Variants in MGME1 observed in about 807,000 individuals in gnomAD.
MGME1 encodes the protein chromosome 20 open reading frame 72.
A neutral mutation model predicts 33.0 loss-of-function variants in MGME1; 22 were observed. The ratio of observed to expected loss-of-function variants is 0.67; its 90% CI spans 0.48 to 0.95. The LOEUF is 0.95. Among genes scored for constraint, MGME1 ranks in the 40% least tolerant of loss-of-function variants. MGME1 has a pLI of 0.00. For synonymous variants in MGME1, 133 were observed against 144.0 expected (o/e 0.92, Z 0.55); for missense variants, 383 against 397.8 (o/e 0.96, Z 0.32).
rs772022766 is a variant in MGME1 at position 17,988,252 on chromosome 20, T to C, written c.818T>C (p.Val273Ala). The C allele has an allele frequency of 6.2e-7, 1 of 1,614,124 alleles. No homozygotes were observed. Among genetic ancestry groups the C allele is most frequent in the Non-Finnish European group, 8.5e-7 (1 of 1,179,992 alleles). Residue 273 changes from valine (V) to alanine (A), a missense_variant, in exon 4 of 5, where the codon GTG (valine) becomes GCG (alanine). Val to Ala is a moderately conservative substitution (Grantham distance 64). Coordinates refer to ENST00000377710, the MANE Select transcript of MGME1 (RefSeq NM_052865.4). ...QSTFDNPLQVVAYMGAMNHDT... is the reference protein window; with the variant it reads ...QSTFDNPLQVAAYMGAMNHDT... ...ACATTTGACAACCCACTGCAAGTTG[T>C]GGCATACATGGGTGCCATGAACCAT...
intron 2 of MGME1, among the ~76,000 whole-genome samples, chr20:17,973,237 C>T (rs1328837871): frequency 6.6e-6 from 1 of 151,950 alleles, no homozygotes; most frequent in African/African-American, 2.4e-5. Flanking sequence ...CCAGCTACTA[C>T]GGAGGCTGAG....
intron 2 of MGME1, among the ~76,000 whole-genome samples, chr20:17,973,635 T>G (rs2035783999): frequency 1.3e-5 from 1 of 78,084 alleles, no homozygotes; most frequent in Non-Finnish European, 2.3e-5. Flanking sequence ...AGTAAGACCC[T>G]GTCTCAAAAA....
At chr20:17,985,766 T>A (rs2036139992) in intron 3 of MGME1, among the ~76,000 whole-genome samples, 1 of 152,262 alleles carries the variant, frequency 6.6e-6, no homozygotes, top group African/African-American at 2.4e-5. Flanking sequence ...CAGTATTCAG[T>A]ACAGTAACAT....
intron 3 of MGME1, among the ~76,000 whole-genome samples, chr20:17,976,652 G>A (rs1167547846): frequency 6.6e-6 from 1 of 151,994 alleles, no homozygotes; most frequent in East Asian, 1.9e-4. Context: ...TGGTTGTTTT[G>A]TTTTGTTTTG....
chr20:17,968,774 G>C (rs1371359219), upstream of MGME1: 6 of 327,174 alleles, frequency 1.8e-5, no homozygotes, highest in Admixed American at 5.1e-5. Context: ...CACTCTCCCA[G>C]CAAGACGCGT....
intron 4 of MGME1, among the ~76,000 whole-genome samples, chr20:17,989,249 G>A (rs1222385710): frequency 1.3e-5 from 2 of 151,650 alleles, no homozygotes; most frequent in African/African-American, 4.9e-5. Context: ...AGCTGGGCGT[G>A]GTGGTGTGTG....
intron 3 of MGME1, among the ~76,000 whole-genome samples, chr20:17,987,286 A>G (rs2036178750): frequency 6.6e-6 from 1 of 152,176 alleles, no homozygotes; most frequent in African/African-American, 2.4e-5. Flanking sequence ...TCTGAAGACA[A>G]TAAAATTATC....
chr20:17,980,946 A>G (rs1003165590), intron 3 of MGME1, among the ~76,000 whole-genome samples: 6 of 151,944 alleles, frequency 3.9e-5, no homozygotes, highest in Middle Eastern at 3.4e-3. Context: ...TATCCCTGTG[A>G]TTACATGGAG....
At chr20:17,988,679 G>A (rs1022961331) in intron 4 of MGME1, among the ~76,000 whole-genome samples, 1 of 148,308 alleles carries the variant, frequency 6.7e-6, no homozygotes, top group African/African-American at 2.5e-5. Flanking sequence ...ACTTCTCAGT[G>A]GGGGGGTAGG....
Position 17,988,313 on chromosome 20 carries a change from C to G in MGME1, c.864+15C>G, listed in dbSNP as rs1198694403. 1.2e-6 allele frequency: 2 copies of G among 1,609,700 alleles called. No homozygotes were observed. Among genetic ancestry groups the G allele is most frequent in the Admixed American group, 3.4e-5 (2 of 58,814 alleles). On this transcript the variant is annotated intron_variant, in intron 4 of 4. Transcript: ENST00000377710. ...ACAGCTTTCAGGTCAGGACACTGAG[C>G]CTTTACTTAAAGCTTTGCTCAATGC... is the stretch of plus-strand genomic sequence containing the variant.
chr20:17,968,698 AC>A, upstream of MGME1: 1 of 495,450 alleles, frequency 2.0e-6, no homozygotes, highest in Admixed American at 3.7e-5. Context: ...CGTGGGGCCT[AC>A]CCTTGCTCCG....
At chr20:17,979,470 G>C (rs1157377465) in intron 3 of MGME1, among the ~76,000 whole-genome samples, 3 of 151,574 alleles carry the variant, frequency 2.0e-5, no homozygotes, top group Non-Finnish European at 4.4e-5. Flanking sequence ...GGAGTGCAGT[G>C]GCGCGATCTC....
chr20:17,980,064 C>T (rs982491966), intron 3 of MGME1, among the ~76,000 whole-genome samples: 14 of 152,042 alleles, frequency 9.2e-5, no homozygotes, highest in Admixed American at 2.0e-4. Context: ...TTGCTGTTGT[C>T]GCCCAGGCTG....
intron 2 of MGME1, among the ~76,000 whole-genome samples, chr20:17,970,730 G>C (rs940208022): frequency 3.9e-5 from 6 of 152,168 alleles, no homozygotes; most frequent in Non-Finnish European, 8.8e-5. Context: ...TTGTTTGCTA[G>C]ATAATTCTGT....
chr20:17,976,190 C>T (rs2035862286), intron 3 of MGME1, among the ~76,000 whole-genome samples: 1 of 152,012 alleles, frequency 6.6e-6, no homozygotes, highest in Non-Finnish European at 1.5e-5. Context: ...GTGGTGCAAT[C>T]TTGGCTCACT....
chr20:17,980,978 A>C (rs2036001763), intron 3 of MGME1, among the ~76,000 whole-genome samples: 1 of 152,050 alleles, frequency 6.6e-6, no homozygotes, highest in South Asian at 2.1e-4. Flanking sequence ...AAAGAAATAT[A>C]ATATTACAGA....
chr20:17,983,789 GTTAT>G (rs1365838034), intron 3 of MGME1, among the ~76,000 whole-genome samples: 1 of 152,052 alleles, frequency 6.6e-6, no homozygotes, highest in Non-Finnish European at 1.5e-5. Flanking sequence ...TTTTAATCAA[GTTAT>G]TTGTTTTGTT....
At chr20:17,988,842 C>T (rs2036220293) in intron 4 of MGME1, among the ~76,000 whole-genome samples, 1 of 152,050 alleles carries the variant, frequency 6.6e-6, no homozygotes. Flanking sequence ...GTGGCTCACG[C>T]ACTTTGGGAG....
intron 3 of MGME1, among the ~76,000 whole-genome samples, chr20:17,979,815 C>CTT (rs545689657): frequency 6.6e-6 from 1 of 152,128 alleles, no homozygotes; most frequent in African/African-American, 2.4e-5. Flanking sequence ...ACTGCAGTCT[C>CTT]TAACTCCCCA....
Sources: allele counts gnomAD v4.1 joint callset (sites outside exome capture counted in the v4.1 genomes callset), GRCh38; gene constraint gnomAD v4.1.1; transcripts MANE v1.5; gene names NCBI Gene and HGNC (gene_info 2026-07-23, HGNC 2026-07-21).